The following PHYKPL variants were observed in gnomAD, a reference collection of about 807,000 sequenced individuals.
PHYKPL encodes 5-phosphonooxy-L-lysine phospho-lyase.
A neutral mutation model predicts 51.3 loss-of-function variants in PHYKPL; 42 were observed. The observed-to-expected ratio is 0.82, with a 90% CI of 0.64 to 1.06. PHYKPL has a LOEUF of 1.06. Among genes scored for constraint, PHYKPL ranks in the 50% least tolerant of loss-of-function variants. The pLI is 0.00. For missense variants in PHYKPL, 655 were observed against 586.6 expected (o/e 1.12, Z -1.20); for synonymous variants, 264 against 236.0 (o/e 1.12, Z -1.09).
At chr5:178,231,649 G>A (rs769723978) in intron 1 of PHYKPL, 126 bp from the exon 2 acceptor site, 8 of 1,597,580 alleles carry the variant, frequency 5.0e-6, no homozygotes, top group Non-Finnish European at 6.0e-6. Flanking sequence ...AGCTGGAAGG[G>A]CAAGGTGCTG....
chr5:178,213,257 G>A (rs759000220), intron 10 of PHYKPL, among the ~76,000 whole-genome samples, 154 bp from the exon 11 acceptor site: 2 of 152,144 alleles, frequency 1.3e-5, no homozygotes, highest in African/African-American at 2.4e-5. Flanking sequence ...CCAGAGTCCT[G>A]TGCATCTGGC....
downstream of PHYKPL, chr5:178,207,273 G>T (rs767371805): frequency 1.9e-6 from 3 of 1,606,442 alleles, no homozygotes; most frequent in Admixed American, 3.4e-5. Flanking sequence ...CTGGAGAGCT[G>T]GCCCTTAGAG....
chr5:178,229,353 C>T (rs754652446), intron 3 of PHYKPL, among the ~76,000 whole-genome samples: 6 of 152,198 alleles, frequency 3.9e-5, no homozygotes, highest in Non-Finnish European at 8.8e-5. Context: ...GGTGATCCGC[C>T]CACCTCGATC....
In PHYKPL at chr5:178,224,493, G is replaced by A. The variant is rs1245605321; in HGVS notation, c.573C>T (p.Asn191=). 10 of 1,611,226 alleles carry A rather than the reference G, an allele frequency of 6.2e-6. No homozygotes were observed. Among genetic ancestry groups the A allele is most frequent in the Admixed American group, 1.7e-5 (1 of 59,900 alleles). ...CACTGCTGACCACACGTTTCACCTC[G>A]TTGGCATAGGCCATAGCTGGGTTGG... ...DHPNPAMAYA[N]EVKRVVSSAQ... Residue 191 remains asparagine (N), a synonymous_variant, in exon 6 of 13, where the codon AAC becomes AAT. Coordinates refer to ENST00000308158, the MANE Select transcript of PHYKPL (RefSeq NM_153373.4).
At chr5:178,212,503 A>T (rs913747177) in intron 11 of PHYKPL, among the ~76,000 whole-genome samples, 2 of 152,190 alleles carry the variant, frequency 1.3e-5, no homozygotes, top group Non-Finnish European at 2.9e-5. Flanking sequence ...ATCCTAGGTG[A>T]TGGGGAATGT....
Position 178,226,292 on chromosome 5 carries a change from G to A in PHYKPL, c.339-863C>T, listed in dbSNP as rs150010033. Among the ~76,000 whole-genome samples the A allele has an allele frequency of 7.7e-3, 1,174 of 151,856 alleles. 18 individuals carry two copies. The highest frequency in any genetic ancestry group is 0.027 in the African/African-American group (1,124 of 41,382). On this transcript the variant is annotated intron_variant, in intron 3 of 12. Coordinates refer to ENST00000308158, the MANE Select transcript of PHYKPL (RefSeq NM_153373.4). ...GGGTTTCACCATGTTGGCTAGGCTG[G>A]TCTCAAACTCCTGATCCACCCGCCT...
chr5:178,226,078 CT>C (rs112189205), intron 3 of PHYKPL: 245 of 136,692 alleles, frequency 1.8e-3, no homozygotes, highest in Admixed American at 2.2e-3. Flanking sequence ...TTTGGAATTT[CT>C]TTTTTTTTTT....
At chr5:178,231,624 CG>C (rs3833653) in intron 1 of PHYKPL, 101 bp from the exon 2 acceptor site, 584,295 of 1,604,718 alleles carry the variant, frequency 0.36, 109,341 homozygotes, top group Non-Finnish European at 0.39. Flanking sequence ...TTTCTGGTGG[CG>C]GGGGGGAAAT....
At position 178,224,734 on chromosome 5, in the gene PHYKPL, G is replaced by C. The variant is rs1358138512; in HGVS notation, c.414-5C>G. 6.2e-7 allele frequency: 1 copy of C among 1,609,080 alleles called. No individual in the cohort carries two copies. The highest frequency in any genetic ancestry group is 8.5e-7 in the Non-Finnish European group (1 of 1,176,002). Reference sequence around the variant, plus strand: ...CTCAGGTGGCCGTGATACGCACTGGGGAGGAGAAGGGAGGGTAGGCTCGGG... The same window carrying C: ...CTCAGGTGGCCGTGATACGCACTGGCGAGGAGAAGGGAGGGTAGGCTCGGG... On this transcript the variant is annotated splice_polypyrimidine_tract_variant and splice_region_variant and intron_variant, in intron 4 of 12. Coordinates refer to ENST00000308158, the MANE Select transcript of PHYKPL (RefSeq NM_153373.4).
In PHYKPL at chr5:178,228,553, G is replaced by A. The variant is rs1380927553; in HGVS notation, c.338+1387C>T. On this transcript the variant is annotated intron_variant, in intron 3 of 12. Coordinates refer to ENST00000308158, the MANE Select transcript of PHYKPL (RefSeq NM_153373.4). ...CAGCTCTTGACATGGCAAATGTCTGGGCTCAAGTTCCTTTCTTTGAACTGC... is the reference window on the plus strand; with the variant it reads ...CAGCTCTTGACATGGCAAATGTCTGAGCTCAAGTTCCTTTCTTTGAACTGC... The A allele has an allele frequency of 4.3e-6, 3 of 702,576 alleles. No homozygotes were observed. The East Asian group carries it at 8.0e-5, about 19-fold the overall frequency. The allele number at this position is 702,576 out of a possible 1,614,324, so 43.5% of individuals were successfully genotyped here. A position where few individuals can be genotyped will look rare whatever the true frequency, so the allele number is the denominator to read the frequency against.
intron 3 of PHYKPL, among the ~76,000 whole-genome samples, chr5:178,229,135 C>T (rs1451686185): frequency 6.8e-6 from 1 of 147,680 alleles, no homozygotes; most frequent in Non-Finnish European, 1.5e-5. Context: ...GAGATAGAGC[C>T]TCTCTCTGTC....
At chr5:178,209,211 TTTG>T in intron 12 of PHYKPL, 1 of 845,582 alleles carries the variant, frequency 1.2e-6, no homozygotes, top group East Asian at 2.5e-5. Flanking sequence ...ACTAGCATAT[TTTG>T]TTTCTCAGCA....
At chr5:178,215,183 A>G in intron 9 of PHYKPL, 93 bp downstream of exon 9, 1 of 1,583,198 alleles carries the variant, frequency 6.3e-7, no homozygotes, top group East Asian at 2.2e-5. Flanking sequence ...GAGCGGACAT[A>G]ACCCCACCAT....
At chr5:178,215,714 T>G in intron 8 of PHYKPL, 1 of 401,106 alleles carries the variant, frequency 2.5e-6, no homozygotes, top group Non-Finnish European at 4.5e-6. Flanking sequence ...GTCCTGTTTG[T>G]TCCCACAGGG....
chr5:178,222,187 T>G (rs1028162420), intron 8 of PHYKPL, among the ~76,000 whole-genome samples, 168 bp downstream of exon 8: 7 of 152,196 alleles, frequency 4.6e-5, no homozygotes, highest in African/African-American at 1.7e-4. Context: ...TTAAAAGATG[T>G]TTTATGTTTT....
At chr5:178,216,317 A>G (rs1759773808) in intron 8 of PHYKPL, 2 of 152,174 alleles carry the variant, frequency 1.3e-5, no homozygotes, top group Admixed American at 6.6e-5. Context: ...AGATCTAGAA[A>G]GCCCTAAGCT....
intron 6 of PHYKPL, 81 bp from the exon 7 acceptor site, chr5:178,223,015 G>A: frequency 1.5e-6 from 2 of 1,361,224 alleles, no homozygotes; most frequent in Non-Finnish European, 2.1e-6. Flanking sequence ...TGCTGGCTTA[G>A]TCCAAGCAAG....
chr5:178,213,541 G>T (rs1341635121), intron 10 of PHYKPL, among the ~76,000 whole-genome samples: 1 of 152,200 alleles, frequency 6.6e-6, no homozygotes, highest in South Asian at 2.1e-4. Flanking sequence ...TTCCTGCCCT[G>T]TCTTCCGGGT....
chr5:178,225,374 C>T lies in PHYKPL; in HGVS notation c.394G>A (p.Asp132Asn), dbSNP rs1203974389. 1.2e-6 allele frequency: 2 copies of T among 1,614,176 alleles called. No homozygotes were observed. Among genetic ancestry groups the T allele is most frequent in the Non-Finnish European group, 1.7e-6 (2 of 1,180,042 alleles). The change falls in exon 4 of 13, where the codon GAC becomes AAC. Residue 132 changes from aspartate (D) to asparagine (N), a missense_variant. Asp to Asn is a conservative substitution (Grantham distance 23). Coordinates refer to ENST00000308158, the MANE Select transcript of PHYKPL (RefSeq NM_153373.4). ...RLARHYTGHQDVVVLDHAYHG... is the reference protein window; with the variant it reads ...RLARHYTGHQNVVVLDHAYHG... ...ACTTACTGATCTAATACCACCACGT[C>T]CTGGTGTCCCGTGTAGTGGCGAGCC...
Sources: allele counts gnomAD v4.1 joint callset (sites outside exome capture counted in the v4.1 genomes callset), GRCh38; gene constraint gnomAD v4.1.1; transcripts MANE v1.5; gene names NCBI Gene and HGNC (gene_info 2026-07-23, HGNC 2026-07-21).